The following DNAJC3 variants were observed in gnomAD, a reference collection of about 807,000 sequenced individuals.
The protein encoded by DNAJC3 is dnaJ homolog subfamily C member 3.
A neutral mutation model predicts 68.6 loss-of-function variants in DNAJC3; 38 were observed. The observed-to-expected ratio is 0.55, with a 90% CI of 0.43 to 0.73. The LOEUF is 0.73. DNAJC3 is among the 30% of genes least tolerant of loss of function. DNAJC3 has a pLI of 0.00. For missense variants in DNAJC3, 526 were observed against 591.9 expected (o/e 0.89, Z 1.16); for synonymous variants, 203 against 204.0 (o/e 1.00, Z 0.04).
intron 4 of DNAJC3, among the ~76,000 whole-genome samples, chr13:95,754,487 C>T (rs924995800): frequency 1.3e-5 from 2 of 152,094 alleles, no homozygotes; most frequent in Non-Finnish European, 2.9e-5. Context: ...GGCCTAGGTT[C>T]ATACCTCTCT....
intron 4 of DNAJC3, among the ~76,000 whole-genome samples, chr13:95,749,348 A>G (rs1186151249): frequency 1.3e-5 from 2 of 152,218 alleles, no homozygotes; most frequent in Non-Finnish European, 2.9e-5. Context: ...AGACTCCATC[A>G]ATTTTTAGAT....
intron 1 of DNAJC3, among the ~76,000 whole-genome samples, chr13:95,683,860 G>A (rs1007016470): frequency 6.8e-6 from 1 of 147,938 alleles, no homozygotes; most frequent in Non-Finnish European, 1.5e-5. Flanking sequence ...TTAAACCTGG[G>A]AGGCAGAGGA....
At chr13:95,703,894 T>C (rs1388472230) in intron 1 of DNAJC3, among the ~76,000 whole-genome samples, 3 of 152,160 alleles carry the variant, frequency 2.0e-5, no homozygotes, top group African/African-American at 7.2e-5. Flanking sequence ...CTGTGTCTTA[T>C]TTGCTCTGTT....
chr13:95,725,392 T>A (rs890548769), intron 4 of DNAJC3, 140 bp downstream of exon 4: 1 of 506,770 alleles, frequency 2.0e-6, no homozygotes, highest in Non-Finnish European at 3.3e-6. Flanking sequence ...ATAGCCAGAT[T>A]TATATATTTA....
At chr13:95,741,697 C>T (rs868011888) in intron 4 of DNAJC3, among the ~76,000 whole-genome samples, 1 of 152,046 alleles carries the variant, frequency 6.6e-6, no homozygotes, top group Non-Finnish European at 1.5e-5. Flanking sequence ...GTGGTCTTGG[C>T]GATGGCTACA....
At chr13:95,714,012 G>A (rs537693700) in intron 2 of DNAJC3, among the ~76,000 whole-genome samples, 114 of 152,322 alleles carry the variant, frequency 7.5e-4, no homozygotes, top group Non-Finnish European at 1.5e-3. Context: ...GTAGCCTGCT[G>A]TATAAATATA....
intron 1 of DNAJC3, chr13:95,694,950 G>A (rs990647701): frequency 3.9e-5 from 6 of 152,562 alleles, no homozygotes; most frequent in Non-Finnish European, 7.3e-5. Context: ...TAGCAACAGC[G>A]TTTATAGGCT....
chr13:95,769,838 A>G (rs1462868944), intron 9 of DNAJC3, among the ~76,000 whole-genome samples: 3 of 152,238 alleles, frequency 2.0e-5, no homozygotes, highest in Non-Finnish European at 2.9e-5. Context: ...TTTGCTGACC[A>G]TATCAGCTGG....
chr13:95,731,901 ATTTTTTT>A (rs777968421), intron 4 of DNAJC3, among the ~76,000 whole-genome samples: 4 of 123,948 alleles, frequency 3.2e-5, no homozygotes, highest in Non-Finnish European at 6.7e-5. Flanking sequence ...CGCCTGGCTA[ATTTTTTT>A]TTTTTTTTTT....
chr13:95,728,168 C>T (rs1442497136), intron 4 of DNAJC3, among the ~76,000 whole-genome samples: 1 of 152,124 alleles, frequency 6.6e-6, no homozygotes, highest in Non-Finnish European at 1.5e-5. Context: ...CGTGAACATT[C>T]TCGTACAGAT....
At chr13:95,699,326 A>AT (rs1387363392) in intron 1 of DNAJC3, among the ~76,000 whole-genome samples, 1 of 152,234 alleles carries the variant, frequency 6.6e-6, no homozygotes, top group Non-Finnish European at 1.5e-5. Context: ...CTGGATACTC[A>AT]TTTTATCCTA....
In DNAJC3 at chr13:95,779,340, G is replaced by A. The variant is rs146715024; in HGVS notation, c.1076-6599G>A. Among the ~76,000 whole-genome samples, 44 of 151,880 alleles carry A rather than the reference G, an allele frequency of 2.9e-4. 1 individual carries two copies. The highest frequency in any genetic ancestry group is 5.2e-4 in the Non-Finnish European group (35 of 67,948). ...GGGGTTTCACCGTGTTAGCCAGGAT[G>A]GTCTCGATCTCCTGACCTCGTGATC... On this transcript the variant is annotated intron_variant, in intron 9 of 11. Coordinates refer to ENST00000602402, the MANE Select transcript of DNAJC3 (RefSeq NM_006260.5).
At chr13:95,699,168 G>T (rs1034513658) in intron 1 of DNAJC3, among the ~76,000 whole-genome samples, 14 of 152,140 alleles carry the variant, frequency 9.2e-5, no homozygotes, top group Non-Finnish European at 1.6e-4. Context: ...CACACCAAAA[G>T]AATAATAATT....
rs190154496 is a variant in DNAJC3, at chr13:95,777,514, A to G, written c.1076-8425A>G. On this transcript the variant is annotated intron_variant, in intron 9 of 11. Coordinates refer to ENST00000602402, the MANE Select transcript of DNAJC3 (RefSeq NM_006260.5). ...ATTGTATTTCCTTTGCCTTGTCATCATTAGCTATAATTTTTTCTCAGCCTT... is the reference window on the plus strand; with the variant it reads ...ATTGTATTTCCTTTGCCTTGTCATCGTTAGCTATAATTTTTTCTCAGCCTT... 1.3e-3 allele frequency among the ~76,000 whole-genome samples: 196 copies of G among 152,312 alleles called. 2 individuals are homozygous for G. Among genetic ancestry groups the G allele is most frequent in the African/African-American group, 4.6e-3 (191 of 41,570 alleles).
chr13:95,779,508 G>T (rs1321058616), intron 9 of DNAJC3, among the ~76,000 whole-genome samples: 1 of 152,074 alleles, frequency 6.6e-6, no homozygotes, highest in Non-Finnish European at 1.5e-5. Context: ...AAAGTAATAT[G>T]CAATACACAT....
At position 95,793,890 on chromosome 13, in the gene DNAJC3, C is replaced by G. The variant is rs576891457; in HGVS notation, c.*2860C>G. On this transcript the variant is annotated 3_prime_UTR_variant, in exon 12 of 12. Transcript: ENST00000602402. Reference sequence around the variant, plus strand: ...TGGGTGGAGTTATCAGTGGTCTGTACTTTGTGGATATTTTGCCCAGCAGGA... The same window carrying G: ...TGGGTGGAGTTATCAGTGGTCTGTAGTTTGTGGATATTTTGCCCAGCAGGA... 2 of 152,274 alleles carry G rather than the reference C, an allele frequency of 1.3e-5. No homozygotes were observed. Among genetic ancestry groups the G allele is most frequent in the African/African-American group, 4.8e-5 (2 of 41,548 alleles). 9.4% of individuals were successfully genotyped at this position (152,274 alleles called of 1,614,324 possible).
At chr13:95,751,928 T>G (rs1436159486) in intron 4 of DNAJC3, among the ~76,000 whole-genome samples, 1 of 152,144 alleles carries the variant, frequency 6.6e-6, no homozygotes, top group Admixed American at 6.5e-5. Context: ...TCATGAAACT[T>G]ATTTACTATC....
At chr13:95,755,988 C>T (rs1037348301) in intron 4 of DNAJC3, among the ~76,000 whole-genome samples, 1 of 152,098 alleles carries the variant, frequency 6.6e-6, no homozygotes, top group Non-Finnish European at 1.5e-5. Context: ...GTTTCCATTA[C>T]CTGAGCCCTC....
At chr13:95,679,464 G>A (rs1879858542) in intron 1 of DNAJC3, among the ~76,000 whole-genome samples, 1 of 152,140 alleles carries the variant, frequency 6.6e-6, no homozygotes, top group African/African-American at 2.4e-5. Context: ...TGTCTGCTAT[G>A]TATTTGACAC....
Sources: gnomAD v4.1 joint callset for allele counts (sites outside exome capture counted in the v4.1 genomes callset) on GRCh38, gnomAD v4.1.1 for gene constraint, MANE v1.5 for transcripts, NCBI Gene and HGNC (gene_info 2026-07-23, HGNC 2026-07-21) for gene names.